The following CCSER1 variants were observed in gnomAD, a reference collection of about 807,000 sequenced individuals.
CCSER1 encodes coiled-coil serine rich protein 1.
In CCSER1, 41 loss-of-function variants were observed where a neutral mutation model predicts 82.0. That is an observed-to-expected ratio of 0.50 (90% CI 0.39 to 0.65). CCSER1 has a LOEUF of 0.65. Among genes scored for constraint, CCSER1 ranks in the 30% least tolerant of loss-of-function variants. The probability of loss-of-function intolerance (pLI) is 0.00; values close to 1 mark genes in which losing one functional copy is unlikely to be tolerated. For missense variants in CCSER1, 1,119 were observed against 1,064.2 expected, an observed-to-expected ratio of 1.05 and a Z score of -0.72; for synonymous variants, 414 against 383.9, an observed-to-expected ratio of 1.08 and a Z score of -0.92.
intron 8 of CCSER1, among the ~76,000 whole-genome samples, chr4:90,823,546 A>T (rs1580653538): frequency 6.6e-6 from 1 of 152,146 alleles, no homozygotes; most frequent in East Asian, 1.9e-4. Context: ...AAAGACAAAG[A>T]CATGGAACTT....
At chr4:90,288,706 C>T (rs1438976243) in intron 1 of CCSER1, among the ~76,000 whole-genome samples, 1 of 151,970 alleles carries the variant, frequency 6.6e-6, no homozygotes, top group Non-Finnish European at 1.5e-5. Context: ...TTTTAGATAA[C>T]TAATTTCTCA....
chr4:91,155,713 T>C (rs1324685309), intron 10 of CCSER1, among the ~76,000 whole-genome samples: 1 of 151,962 alleles, frequency 6.6e-6, no homozygotes, highest in Non-Finnish European at 1.5e-5. Context: ...CTTTATTCTA[T>C]TAATCTCTTG....
intron 5 of CCSER1, among the ~76,000 whole-genome samples, chr4:90,541,739 A>G (rs919893855): frequency 6.6e-5 from 10 of 152,170 alleles, no homozygotes; most frequent in African/African-American, 2.4e-4. Flanking sequence ...ATGTTATGTT[A>G]TTTATAAATG....
intron 8 of CCSER1, among the ~76,000 whole-genome samples, chr4:90,867,088 C>T (rs138379807): frequency 2.0e-5 from 3 of 152,126 alleles, no homozygotes; most frequent in South Asian, 2.1e-4. Flanking sequence ...CTTCTATTCG[C>T]ACTTGCCCTC....
chr4:90,816,754 T>C (rs1436884268), intron 8 of CCSER1, among the ~76,000 whole-genome samples: 1 of 152,156 alleles, frequency 6.6e-6, no homozygotes, highest in Non-Finnish European at 1.5e-5. Context: ...TAGTGTATTA[T>C]GTAATTATTG....
chr4:90,944,675 A>G (rs1196236359), intron 9 of CCSER1, among the ~76,000 whole-genome samples: 1 of 152,194 alleles, frequency 6.6e-6, no homozygotes, highest in Non-Finnish European at 1.5e-5. Context: ...CATAAATTCT[A>G]AGTTCATTTA....
intron 9 of CCSER1, among the ~76,000 whole-genome samples, chr4:91,059,854 A>C (rs1239060579): frequency 6.6e-6 from 1 of 152,094 alleles, no homozygotes; most frequent in Non-Finnish European, 1.5e-5. Flanking sequence ...AATGATTTTC[A>C]AAAAGTCCTC....
chr4:91,333,552 G>A (rs1157445480), intron 10 of CCSER1, among the ~76,000 whole-genome samples: 1 of 151,910 alleles, frequency 6.6e-6, no homozygotes, highest in Non-Finnish European at 1.5e-5. Flanking sequence ...TCTGCATATT[G>A]GGTTGCACCT....
At chr4:90,863,476 G>A (rs751296659) in intron 8 of CCSER1, among the ~76,000 whole-genome samples, 11 of 151,736 alleles carry the variant, frequency 7.2e-5, no homozygotes, top group South Asian at 6.2e-4. Context: ...TCCTAAATAA[G>A]TGTGATCATA....
At chr4:90,507,241 A>C (rs1578865607) in intron 5 of CCSER1, among the ~76,000 whole-genome samples, 1 of 152,282 alleles carries the variant, frequency 6.6e-6, no homozygotes, top group East Asian at 1.9e-4. Context: ...AAAGCTTAAA[A>C]AAAAATAGAC....
chr4:90,967,118 T>G (rs996223615), intron 9 of CCSER1, among the ~76,000 whole-genome samples: 12 of 152,028 alleles, frequency 7.9e-5, no homozygotes, highest in African/African-American at 2.4e-4. Context: ...CAATTGATTT[T>G]CAACAAGTGT....
chr4:90,507,681 A>G (rs1324556335), intron 5 of CCSER1, among the ~76,000 whole-genome samples: 1 of 152,086 alleles, frequency 6.6e-6, no homozygotes, highest in Non-Finnish European at 1.5e-5. Flanking sequence ...ATGTATATCC[A>G]TTACCATTCT....
At chr4:90,180,892 T>C (rs1317723195) in intron 1 of CCSER1, among the ~76,000 whole-genome samples, 1 of 152,192 alleles carries the variant, frequency 6.6e-6, no homozygotes, top group East Asian at 1.9e-4. Context: ...GGTTGAGTAC[T>C]AGACTATACG....
At chr4:91,079,433 A>T (rs1722429875) in intron 9 of CCSER1, among the ~76,000 whole-genome samples, 1 of 152,228 alleles carries the variant, frequency 6.6e-6, no homozygotes, top group African/African-American at 2.4e-5. Flanking sequence ...AGTACTAAAC[A>T]TAGAAAGGAA....
intron 6 of CCSER1, among the ~76,000 whole-genome samples, chr4:90,634,171 A>G (rs905721876): frequency 1.3e-5 from 2 of 151,706 alleles, no homozygotes; most frequent in African/African-American, 4.8e-5. Flanking sequence ...ATATTTTGAT[A>G]TAATAAGCTG....
rs115502356 is a variant in CCSER1 at position 91,518,707 on chromosome 4, T to C, written c.2218-79865T>C. Among the ~76,000 whole-genome samples the C allele has an allele frequency of 3.6e-3, 544 of 152,296 alleles. 6 individuals are homozygous for C. The highest frequency in any genetic ancestry group is 5.0e-3 in the Non-Finnish European group (337 of 68,024). On this transcript the variant is annotated intron_variant, in intron 10 of 10. Transcript: ENST00000509176. ...AAGTTCAGGTGAAGACCTCAGACTC[T>C]TTGTTATTTCCTTAGACCAAGAGAA...
chr4:91,214,506 A>G (rs2149089731), intron 10 of CCSER1, among the ~76,000 whole-genome samples: 1 of 152,312 alleles, frequency 6.6e-6, no homozygotes, highest in South Asian at 2.1e-4. Context: ...GCTACTTAAA[A>G]TTCTTTTATT....
intron 10 of CCSER1, among the ~76,000 whole-genome samples, chr4:91,350,160 TC>T (rs948213977): frequency 4.4e-4 from 67 of 152,136 alleles, no homozygotes; most frequent in African/African-American, 1.6e-3. Flanking sequence ...TTGTTTTGCT[TC>T]CCATGTAAAC....
intron 6 of CCSER1, among the ~76,000 whole-genome samples, chr4:90,703,942 G>T (rs1286440731): frequency 6.6e-6 from 1 of 152,086 alleles, no homozygotes; most frequent in Non-Finnish European, 1.5e-5. Flanking sequence ...GCCATTCTGT[G>T]TCTTTCAATT....
Sources: gnomAD v4.1 joint callset for allele counts (sites outside exome capture counted in the v4.1 genomes callset) on GRCh38, gnomAD v4.1.1 for gene constraint, MANE v1.5 for transcripts, NCBI Gene and HGNC (gene_info 2026-07-23, HGNC 2026-07-21) for gene names.